The following MTA1 variants were observed in gnomAD, a reference collection of about 807,000 sequenced individuals.
MTA1 encodes metastasis associated 1.
Under a neutral mutation model 97.0 loss-of-function variants are expected in MTA1, and 15 were observed. That is an observed-to-expected ratio of 0.15 (90% CI 0.10 to 0.24). The LOEUF (loss-of-function observed/expected upper bound fraction) is 0.24. MTA1 is among the 10% of genes least tolerant of loss of function. The probability of loss-of-function intolerance (pLI) is 1.00; values close to 1 mark genes in which losing one functional copy is unlikely to be tolerated. For synonymous variants in MTA1, 435 were observed against 417.5 expected (o/e 1.04, Z -0.51); for missense variants, 709 against 1,015.1 (o/e 0.70, Z 4.10).
chr14:105,469,540 A>G (rs900743832), intron 19 of MTA1, 42 bp downstream of exon 19: 19 of 1,604,622 alleles, frequency 1.2e-5, no homozygotes, highest in Non-Finnish European at 1.6e-5. Flanking sequence ...GCGCTCACCC[A>G]TGAGCTCTCT....
intron 7 of MTA1, among the ~76,000 whole-genome samples, chr14:105,457,235 C>G (rs1168266603): frequency 1.3e-5 from 2 of 152,238 alleles, no homozygotes; most frequent in Admixed American, 6.5e-5. Context: ...AGTCCTCCCC[C>G]AGGAGTCAGG....
At chr14:105,446,526 G>T (rs1056660310) in intron 3 of MTA1, among the ~76,000 whole-genome samples, 2 of 152,184 alleles carry the variant, frequency 1.3e-5, no homozygotes, top group African/African-American at 2.4e-5. Context: ...CCGTCCCAGC[G>T]CTGTGGGTGA....
At chr14:105,453,305 C>T (rs2083015422) in intron 6 of MTA1, among the ~76,000 whole-genome samples, 5 of 152,272 alleles carry the variant, frequency 3.3e-5, no homozygotes. Flanking sequence ...ATTTCTGTTG[C>T]TCTTAAACAC....
At chr14:105,449,528 G>A (rs914750561) in intron 4 of MTA1, 119 bp downstream of exon 4, 16 of 1,120,794 alleles carry the variant, frequency 1.4e-5, no homozygotes, top group South Asian at 3.1e-5. Flanking sequence ...CCCTGCGCCC[G>A]GCCGGCCCGG....
At position 105,470,454 on chromosome 14, in the gene MTA1, T is replaced by C. The variant is rs2083795002; in HGVS notation, c.*239T>C. 1 of 453,460 alleles carries C rather than the reference T, an allele frequency of 2.2e-6. No individual in the cohort carries two copies. Among genetic ancestry groups the C allele is most frequent in the Non-Finnish European group, 3.8e-6 (1 of 260,120 alleles). The allele number at this position is 453,460 out of a possible 1,614,324, so 28.1% of individuals were successfully genotyped here. ...GTTTACTTTTTGGCTGGAGCGGAGATGAGGGGCCACCCCGTGCCCCTGTGC... is the reference window on the plus strand; with the variant it reads ...GTTTACTTTTTGGCTGGAGCGGAGACGAGGGGCCACCCCGTGCCCCTGTGC... On this transcript the variant is annotated 3_prime_UTR_variant, in exon 21 of 21. Coordinates refer to ENST00000331320, the MANE Select transcript of MTA1 (RefSeq NM_004689.4).
In MTA1 at chr14:105,466,426, A is replaced by AGGGGGGGGGGCGGG; in HGVS notation, c.1626_1627insGGGGGGGGGCGGGG (p.Thr543GlyfsTer16). The AGGGGGGGGGGCGGG allele has an allele frequency of 1.3e-6, 2 of 1,484,218 alleles. No homozygotes were observed. Among genetic ancestry groups the AGGGGGGGGGGCGGG allele is most frequent in the Non-Finnish European group, 9.3e-7 (1 of 1,071,318 alleles). 91.9% of individuals were successfully genotyped at this position (1,484,218 alleles called of 1,614,324 possible). On this transcript the variant is annotated frameshift_variant and splice_region_variant, in exon 17 of 21. Transcript: ENST00000331320. LOFTEE classifies it high-confidence loss of function. Reference sequence around the variant, plus strand: ...GTTCTGCCTGTGTCATTCCCGGCAGAGACCCACCCCCGCCCCCCCAAGCCT... The same window carrying AGGGGGGGGGGCGGG: ...GTTCTGCCTGTGTCATTCCCGGCAGAGGGGGGGGGGCGGGGACCCACCCCCGCCCCCCCAAGCCT...
chr14:105,437,531 A>C (rs781782843), intron 1 of MTA1, among the ~76,000 whole-genome samples: 22 of 151,468 alleles, frequency 1.5e-4, no homozygotes, highest in Admixed American at 3.3e-4. Context: ...CCTCAGGGGC[A>C]TGAGCCTGCA....
Position 105,470,102 on chromosome 14 carries a change from C to T in MTA1, c.2035C>T (p.Arg679Cys), listed in dbSNP as rs199544111. ...RKLLSSSETK[R>C]AARRPYKPIA... is the part of the protein sequence containing the mutation. ...GCTGCTCTCATCCTCGGAAACCAAGCGTGCTGCCCGCCGGCCCTACAAGCC... is the reference window on the plus strand; with the variant it reads ...GCTGCTCTCATCCTCGGAAACCAAGTGTGCTGCCCGCCGGCCCTACAAGCC... The change falls in exon 21 of 21, where the codon CGT becomes TGT. Residue 679 changes from arginine to cysteine, a missense_variant. By Grantham distance (180) the Arg-to-Cys change is radical (BLOSUM62 -3). Transcript: ENST00000331320. 1.4e-5 allele frequency: 22 copies of T among 1,612,612 alleles called. No homozygotes were observed. The highest frequency in any genetic ancestry group is 1.6e-5 in the Non-Finnish European group (19 of 1,179,864).
chr14:105,467,095 C>A, intron 18 of MTA1: 2 of 444,622 alleles, frequency 4.5e-6, no homozygotes, highest in Admixed American at 7.6e-5. Context: ...TGCAATCCTT[C>A]CGTGCGCCTG....
rs1555421815 is a variant in MTA1 at position 105,424,629 on chromosome 14, G to T, written c.28+4566G>T. Among the ~76,000 whole-genome samples the T allele has an allele frequency of 6.6e-6, 1 of 152,056 alleles. No homozygotes were observed. Among genetic ancestry groups the T allele is most frequent in the Admixed American group, 6.5e-5 (1 of 15,272 alleles). On this transcript the variant is annotated intron_variant, in intron 1 of 20. Coordinates refer to ENST00000331320, the MANE Select transcript of MTA1 (RefSeq NM_004689.4). This position sits in a 1 kb window ranked among gnomAD's most constrained non-coding sequence, Gnocchi z 4.0. ...GCCTGCCTCAGCCCCCTGAGTAGCT[G>T]GGATTACAGGTGTGCACCACCACAC... is the stretch of plus-strand genomic sequence containing the variant.
At chr14:105,454,497 C>T (rs1349128266) in intron 7 of MTA1, 187 bp downstream of exon 7, 19 of 528,268 alleles carry the variant, frequency 3.6e-5, no homozygotes, top group Non-Finnish European at 3.5e-5. Context: ...AGCCTTCCCC[C>T]ACCCACTCCT....
At chr14:105,468,202 C>T (rs2083676903) in intron 18 of MTA1, 1 of 917,494 alleles carries the variant, frequency 1.1e-6, no homozygotes, top group African/African-American at 1.7e-5. Context: ...CAGCACGGGG[C>T]CCCAGCGCTC....
intron 18 of MTA1, chr14:105,468,005 C>T: frequency 3.3e-6 from 1 of 304,478 alleles, no homozygotes. Flanking sequence ...CTGGGCGGGG[C>T]CCTGGGCTCA....
In MTA1 at chr14:105,454,201, C is replaced by T. The variant is rs1567030713; in HGVS notation, c.441C>T (p.Phe147=). Residue 147 remains phenylalanine, a synonymous_variant, in exon 7 of 21, where the codon TTC becomes TTT. Coordinates refer to ENST00000331320, the MANE Select transcript of MTA1 (RefSeq NM_004689.4). ...LKSYLEREDF[F]FYSLVYDPQQ... ...CCTGTGGTGTTTTCCAGGATTTCTT[C>T]TTCTATTCTCTAGTCTACGACCCAC... 6.2e-7 allele frequency: 1 copy of T among 1,612,184 alleles called. No homozygotes were observed. The highest frequency in any genetic ancestry group is 1.7e-5 in the Admixed American group (1 of 59,976).
chr14:105,427,461 C>T lies in MTA1; in HGVS notation c.28+7398C>T, dbSNP rs139524494. 3.8e-4 allele frequency among the ~76,000 whole-genome samples: 58 copies of T among 152,238 alleles called. No individual in the cohort carries two copies. The East Asian group carries it at 8.5e-3, about 22-fold the overall frequency. On this transcript the variant is annotated intron_variant, in intron 1 of 20. Transcript: ENST00000331320. Reference sequence around the variant, plus strand: ...GCTGGGATGGGTCCCATGGAGAGAACGTGTGTTGGACAGGCTCTGCCCCAC... The same window carrying T: ...GCTGGGATGGGTCCCATGGAGAGAATGTGTGTTGGACAGGCTCTGCCCCAC...
At chr14:105,434,423 T>C (rs1555423979) in intron 1 of MTA1, among the ~76,000 whole-genome samples, 1 of 152,218 alleles carries the variant, frequency 6.6e-6, no homozygotes, top group Non-Finnish European at 1.5e-5. Flanking sequence ...TAATTTTTCT[T>C]GGTGCTCTTG....
intron 18 of MTA1, chr14:105,468,257 T>TG (rs1337411540): frequency 1.6e-6 from 2 of 1,270,800 alleles, no homozygotes; most frequent in Non-Finnish European, 2.1e-6. Flanking sequence ...TGTCCCCACC[T>TG]GCGGGGCCTG....
chr14:105,447,228 G>A (rs1267092698), intron 3 of MTA1, among the ~76,000 whole-genome samples: 1 of 152,188 alleles, frequency 6.6e-6, no homozygotes, highest in African/African-American at 2.4e-5. Context: ...GGGCTGGCCC[G>A]CTGGAGAAGC....
rs1555428188 is a variant in MTA1, at chr14:105,450,048, T to C, written c.242-10T>C. The C allele has an allele frequency of 6.2e-7, 1 of 1,613,448 alleles. No individual in the cohort carries two copies. Among genetic ancestry groups the C allele is most frequent in the Non-Finnish European group, 8.5e-7 (1 of 1,179,848 alleles). ...TGCCGCGGTGCTGACAGGGGCTCCT[T>C]GTCCTTCAGGGGAAATAGAAGAGGA... On this transcript the variant is annotated splice_polypyrimidine_tract_variant and intron_variant, in intron 4 of 20. Transcript: ENST00000331320.
Sources: gnomAD v4.1 joint callset for allele counts (sites outside exome capture counted in the v4.1 genomes callset) on GRCh38, gnomAD v4.1.1 for gene constraint, Gnocchi (gnomAD v3.1) non-coding constraint, MANE v1.5 for transcripts, NCBI Gene and HGNC (gene_info 2026-07-23, HGNC 2026-07-21) for gene names.